ACTN3: variants seen among roughly 807,000 people sequenced by gnomAD.
The protein encoded by ACTN3 is actinin alpha 3, also known as alpha-actinin-3.
A neutral mutation model predicts 119.6 loss-of-function variants in ACTN3; 91 were observed. The observed-to-expected ratio is 0.76, with a 90% CI of 0.64 to 0.91. The LOEUF (loss-of-function observed/expected upper bound fraction) is 0.91, where lower values mean the gene tolerates loss of function less well. Ranked by LOEUF, ACTN3 falls within the 40% of genes least tolerant of loss-of-function variation. The pLI is 0.00. For synonymous variants in ACTN3, 456 were observed against 478.8 expected (o/e 0.95, Z 0.62); for missense variants, 1,221 against 1,215.1 (o/e 1.00, Z -0.07).
chr11:66,551,357 A>G lies in ACTN3; in HGVS notation c.262+4A>G. 1 of 1,598,762 alleles carries G rather than the reference A, an allele frequency of 6.3e-7. No homozygotes were observed. Among genetic ancestry groups the G allele is most frequent in the Non-Finnish European group, 8.5e-7 (1 of 1,172,448 alleles). The stretch of plus-strand genomic sequence containing the variant: ...CTGCTCCTGGAGGTCATTTCAGGTG[A>G]GGATGGCAAATCAGTGCACCTGGGC... On this transcript the variant is annotated splice_donor_region_variant and intron_variant, in intron 2 of 20. Coordinates refer to ENST00000513398, the MANE Select transcript of ACTN3 (RefSeq NM_001104.4).
intron 3 of ACTN3, 176 bp downstream of exon 3, chr11:66,551,823 C>A: frequency 5.4e-6 from 3 of 551,826 alleles, no homozygotes; most frequent in Non-Finnish European, 6.9e-6. Context: ...CGCCTGTAAT[C>A]TCGGCACTTT....
At chr11:66,552,851 GTC>G (rs564902238) in intron 3 of ACTN3, among the ~76,000 whole-genome samples, 183 of 131,282 alleles carry the variant, frequency 1.4e-3, no homozygotes, top group African/African-American at 2.9e-3. Context: ...GAGAGACTCT[GTC>G]TCTCTCTCTC....
intron 10 of ACTN3, 39 bp from the exon 11 acceptor site, chr11:66,557,988 G>T: frequency 6.2e-7 from 1 of 1,613,356 alleles, no homozygotes; most frequent in Non-Finnish European, 8.5e-7. Flanking sequence ...CTGTACAATG[G>T]GCAAACCGTG....
intron 9 of ACTN3, 48 bp from the exon 10 acceptor site, chr11:66,557,651 G>A (rs1341078678): frequency 6.4e-7 from 1 of 1,560,718 alleles, no homozygotes; most frequent in East Asian, 2.4e-5. Context: ...GGTGAGCTGG[G>A]CAGGTCAGCG....
In ACTN3 at chr11:66,555,657, C is replaced by T. The variant is rs945566948; in HGVS notation, c.718+290C>T. Reference sequence around the variant, plus strand: ...GTTGGTCCCCCAAGACTGGCAGCTCCCCTGGGGCACGTCCTGCCTGTGGTC... The same window carrying T: ...GTTGGTCCCCCAAGACTGGCAGCTCTCCTGGGGCACGTCCTGCCTGTGGTC... On this transcript the variant is annotated intron_variant, in intron 7 of 20. Transcript: ENST00000513398. 2.0e-5 allele frequency among the ~76,000 whole-genome samples: 3 copies of T among 152,210 alleles called. No homozygotes were observed. In the South Asian group the frequency reaches 6.2e-4, roughly 32 times the overall value.
chr11:66,556,349 A>AC (rs1019239157), intron 8 of ACTN3, 119 bp downstream of exon 8: 1 of 918,696 alleles, frequency 1.1e-6, no homozygotes, highest in African/African-American at 1.7e-5. Context: ...CCAGCTGCAC[A>AC]CACTCAGTCT....
intron 12 of ACTN3, 22 bp from the exon 13 acceptor site, chr11:66,559,946 T>A (rs897454067): frequency 1.2e-5 from 19 of 1,571,994 alleles, no homozygotes; most frequent in Non-Finnish European, 1.6e-5. Flanking sequence ...GGCCCCACAC[T>A]CGCCCTACTT....
In ACTN3 at chr11:66,558,884, T is replaced by C. The variant is rs138976718; in HGVS notation, c.1277-352T>C. The C allele has an allele frequency of 1.1e-3, 253 of 238,834 alleles. 1 individual carries two copies. Among genetic ancestry groups the C allele is most frequent in the East Asian group, 8.1e-3 (100 of 12,308 alleles). 14.8% of individuals were successfully genotyped at this position (238,834 alleles called of 1,614,324 possible). On this transcript the variant is annotated intron_variant, in intron 11 of 20. Transcript: ENST00000513398. ...AAATATATTACTCTGGATAGAAACA[T>C]CCATTCATTGTTCTGTCGAGGATTT...
At position 66,552,892 on chromosome 11, in the gene ACTN3, A is replaced by T. The variant is rs1333136019; in HGVS notation, c.383-1153A>T. Among the ~76,000 whole-genome samples, 394 of 145,058 alleles carry T rather than the reference A, an allele frequency of 2.7e-3. 2 individuals carry two copies. Among genetic ancestry groups the T allele is most frequent in the African/African-American group, 7.0e-3 (270 of 38,568 alleles). The stretch of plus-strand genomic sequence containing the variant: ...CTCTCTCTCTCTCTCACACACACAC[A>T]CACACACACACACACACACAAAGAG... On this transcript the variant is annotated intron_variant, in intron 3 of 20. Transcript: ENST00000513398.
chr11:66,559,366 C>T lies in ACTN3; in HGVS notation c.1407C>T (p.Ala469=), dbSNP rs376311597. 155 of 1,553,094 alleles carry T rather than the reference C, an allele frequency of 1.0e-4. No homozygotes were observed. The highest frequency in any genetic ancestry group is 1.3e-4 in the Non-Finnish European group (146 of 1,155,428). ...ACCAGGACCGCGTGGAGCACATTGC[C>T]GCGCTGGCCCAGGAGCTCAAGTAGG... ...AAHQDRVEHI[A]ALAQELNELD... Residue 469 remains alanine, a synonymous_variant, in exon 12 of 21, where the codon GCC becomes GCT. Coordinates refer to ENST00000513398, the MANE Select transcript of ACTN3 (RefSeq NM_001104.4).
intron 5 of ACTN3, 154 bp from the exon 6 acceptor site, chr11:66,554,976 C>A: frequency 5.4e-6 from 1 of 184,202 alleles, no homozygotes; most frequent in Non-Finnish European, 1.0e-5. Context: ...TGGTCCAGAT[C>A]TGGTCATGAA....
rs115296201 is a variant in ACTN3, at chr11:66,563,054, A to C, written c.2567A>C (p.Glu856Ala). 1.2e-6 allele frequency: 2 copies of C among 1,612,128 alleles called. No individual in the cohort carries two copies. Among genetic ancestry groups the C allele is most frequent in the Non-Finnish European group, 1.7e-6 (2 of 1,179,104 alleles). ...AGDKNYITPEELRRELPAKQA... is the reference protein window; with the variant it reads ...AGDKNYITPEALRRELPAKQA... ...CCCCAGAACTACATCACCCCCGAGG[A>C]GCTGCGGCGCGAGCTCCCTGCCAAG... Residue 856 changes from glutamate to alanine, a missense_variant, in exon 21 of 21, where the codon GAG becomes GCG. Physicochemically the swap from Glu to Ala is moderately radical, Grantham distance 107. Around this residue, in one of 3 missense-constraint regions of ACTN3, gnomAD observed 934 missense variants for 899.9 expected, o/e 1.04. Transcript: ENST00000513398.
chr11:66,547,043 G>A lies in ACTN3; in HGVS notation c.106G>A (p.Asp36Asn). The A allele has an allele frequency of 6.6e-7, 1 of 1,511,954 alleles. No individual in the cohort carries two copies. Among genetic ancestry groups the A allele is most frequent in the South Asian group, 1.3e-5 (1 of 74,506 alleles). The allele number at this position is 1,511,954 out of a possible 1,614,324, so 93.7% of individuals were successfully genotyped here. The change falls in exon 1 of 21, where the codon GAC (aspartate) becomes AAC (asparagine). Residue 36 changes from aspartate to asparagine, a missense_variant. Physicochemically the swap from Asp to Asn is conservative, Grantham distance 23 (BLOSUM62 1). Transcript: ENST00000513398. ...YMEQEEDWDR[D>N]LLLDPAWEKQ... ...GGAACAGGAGGAGGACTGGGACCGCGACCTGCTGCTGGACCCGGCCTGGGA... is the reference window on the plus strand; with the variant it reads ...GGAACAGGAGGAGGACTGGGACCGCAACCTGCTGCTGGACCCGGCCTGGGA...
At chr11:66,546,519 A>G (rs1452223078), upstream of ACTN3, 3 of 1,535,136 alleles carry the variant, frequency 2.0e-6, no homozygotes, top group South Asian at 2.4e-5. Context: ...AAATGGGGAT[A>G]GGGCTCTGTG....
chr11:66,563,208 G>C lies in ACTN3; in HGVS notation c.*15G>C. 6.3e-7 allele frequency: 1 copy of C among 1,587,750 alleles called. No homozygotes were observed. The highest frequency in any genetic ancestry group is 8.6e-7 in the Non-Finnish European group (1 of 1,163,908). ...GCGACCTTTGACCCCAACCACTGAG[G>C]TTCTCTATGCAAGATGGAGAGAGGA... On this transcript the variant is annotated 3_prime_UTR_variant, in exon 21 of 21. Coordinates refer to ENST00000513398, the MANE Select transcript of ACTN3 (RefSeq NM_001104.4).
At chr11:66,546,632 G>A, upstream of ACTN3, 1 of 1,534,440 alleles carries the variant, frequency 6.5e-7, no homozygotes, top group Non-Finnish European at 8.7e-7. Context: ...ATTGTGGAGA[G>A]GAGTAAACAG....
Position 66,562,898 on chromosome 11 carries a change from G to A in ACTN3, c.2491G>A (p.Glu831Lys), listed in dbSNP as rs771981846. ...FIDFMTRETA[E>K]TDTTEQVVAS... Reference sequence around the variant, plus strand: ...AGACTTCATGACCCGAGAGACAGCCGAGACTGACACGACTGAGCAAGTTGT... The same window carrying A: ...AGACTTCATGACCCGAGAGACAGCCAAGACTGACACGACTGAGCAAGTTGT... Residue 831 changes from glutamate to lysine, a missense_variant, in exon 20 of 21, where the codon GAG becomes AAG. Physicochemically the swap from Glu to Lys is moderately conservative, Grantham distance 56. Transcript: ENST00000513398. 20 of 1,613,738 alleles carry A rather than the reference G, an allele frequency of 1.2e-5. No homozygotes were observed. The South Asian group carries it at 1.5e-4, about 12-fold the overall frequency.
At chr11:66,547,188 A>T in intron 1 of ACTN3, 104 bp downstream of exon 1, 1 of 1,318,136 alleles carries the variant, frequency 7.6e-7, no homozygotes, top group Non-Finnish European at 9.9e-7. Context: ...TCTTTAACCT[A>T]GAGTGCTAAT....
Position 66,557,916 on chromosome 11 carries a change from G to A in ACTN3, c.1115G>A (p.Gly372Asp), listed in dbSNP as rs750992462. Residue 372 changes from glycine (G) to aspartate (D), a missense_variant, in exon 10 of 21, where the codon GGC becomes GAC. Physicochemically the swap from Gly to Asp is moderately conservative, Grantham distance 94 (BLOSUM62 -1). Transcript: ENST00000513398. ...CGGCCTGCCTTCATGCCCTCCGAGG[G>A]CAAGCTGGTCTCGGTGAGCTCTACA... ...SHRPAFMPSE[G>D]KLVSDIANAW... is the part of the protein sequence containing the mutation. 1.9e-6 allele frequency: 3 copies of A among 1,566,024 alleles called. No homozygotes were observed. The highest frequency in any genetic ancestry group is 3.6e-5 in the Admixed American group (2 of 55,996).
Sources: gnomAD v4.1 joint callset for allele counts (sites outside exome capture counted in the v4.1 genomes callset) on GRCh38, gnomAD v4.1.1 for gene constraint, gnomAD v4.1.1 regional missense constraint, MANE v1.5 for transcripts, NCBI Gene and HGNC (gene_info 2026-07-23, HGNC 2026-07-21) for gene names.